AKNAD1: variants seen among roughly 807,000 people sequenced by gnomAD.
AKNAD1 encodes protein AKNAD1.
Under a neutral mutation model 90.8 loss-of-function variants are expected in AKNAD1, and 67 were observed. The observed-to-expected ratio is 0.74, with a 90% confidence interval of 0.61 to 0.90. The LOEUF is 0.90. Ranked by LOEUF, AKNAD1 falls within the 40% of genes least tolerant of loss-of-function variation. The pLI is 0.00. For missense variants in AKNAD1, 957 were observed against 975.4 expected, an observed-to-expected ratio of 0.98 and a Z score of 0.25; for synonymous variants, 327 against 341.4, an observed-to-expected ratio of 0.96 and a Z score of 0.46.
At chr1:108,833,674 C>CA (rs1446298740) in intron 9 of AKNAD1, among the ~76,000 whole-genome samples, 1 of 148,154 alleles carries the variant, frequency 6.7e-6, no homozygotes, top group African/African-American at 2.5e-5. Flanking sequence ...AAGCATGTAT[C>CA]AGTTTTATAA....
chr1:108,850,849 A>G (rs1664834173), intron 2 of AKNAD1, among the ~76,000 whole-genome samples: 1 of 152,138 alleles, frequency 6.6e-6, no homozygotes, highest in Admixed American at 6.5e-5. Flanking sequence ...CTCAAACATC[A>G]ATGAGATCCT....
At position 108,852,055 on chromosome 1, in the gene AKNAD1, C is replaced by T. The variant is rs1351627295; in HGVS notation, c.610G>A (p.Gly204Arg). The T allele has an allele frequency of 6.2e-7, 1 of 1,614,106 alleles. No homozygotes were observed. Among genetic ancestry groups the T allele is most frequent in the South Asian group, 1.1e-5 (1 of 91,082 alleles). The change falls in exon 2 of 16, where the codon GGA (glycine) becomes AGA (arginine). Residue 204 changes from glycine (G) to arginine (R), a missense_variant. Transcript: ENST00000370001. ...TSDLEGPVAAGDSSHQENVNV... is the reference protein window; with the variant it reads ...TSDLEGPVAARDSSHQENVNV... ...ACATTTTCTTGATGGCTGCTATCTCCAGCAGCCACTGGCCCTTCTAAATCA... is the reference window on the plus strand; with the variant it reads ...ACATTTTCTTGATGGCTGCTATCTCTAGCAGCCACTGGCCCTTCTAAATCA...
intron 9 of AKNAD1, among the ~76,000 whole-genome samples, chr1:108,831,521 A>G (rs1664194023): frequency 6.6e-6 from 1 of 152,172 alleles, no homozygotes; most frequent in Non-Finnish European, 1.5e-5. Context: ...ATCACTTGAA[A>G]ATGTTTCTGT....
chr1:108,832,405 A>G (rs1011889995), intron 9 of AKNAD1, among the ~76,000 whole-genome samples: 2 of 151,754 alleles, frequency 1.3e-5, no homozygotes, highest in African/African-American at 4.8e-5. Context: ...GGTATGTCTT[A>G]GTAGAAACAG....
At position 108,827,226 on chromosome 1, in the gene AKNAD1, G is replaced by A. The variant is rs1664026946; in HGVS notation, c.1915C>T (p.Pro639Ser). The A allele has an allele frequency of 6.2e-7, 1 of 1,611,336 alleles. No homozygotes were observed. The highest frequency in any genetic ancestry group is 8.5e-7 in the Non-Finnish European group (1 of 1,179,104). ...TTACTGGGAGTTGAATCTGAGTGTG[G>A]TGCCTTTTCATGAAGGACAATTGAA... The part of the protein sequence containing the change: ...RFSIVLHEKA[P>S]HSDSTPNSDT... Residue 639 changes from proline (P) to serine (S), a missense_variant, in exon 11 of 16, where the codon CCA becomes TCA. Coordinates refer to ENST00000370001, the MANE Select transcript of AKNAD1 (RefSeq NM_152763.5).
In AKNAD1 at chr1:108,852,266, G is replaced by T. The variant is rs1439165652; in HGVS notation, c.399C>A (p.Leu133=). Residue 133 remains leucine (L), a synonymous_variant, in exon 2 of 16, where the codon CTC becomes CTA. Coordinates refer to ENST00000370001, the MANE Select transcript of AKNAD1 (RefSeq NM_152763.5). ...LRGQGIDCET[L]PEISNADSFE... ...AACTGTCGGCATTTGAGATCTCTGG[G>T]AGGGTTTCACAATCAATGCCTTGAC... 6.2e-7 allele frequency: 1 copy of T among 1,614,062 alleles called. No individual in the cohort carries two copies. Among genetic ancestry groups the T allele is most frequent in the Non-Finnish European group, 8.5e-7 (1 of 1,180,006 alleles).
chr1:108,855,648 T>C (rs983922551), intron 1 of AKNAD1, among the ~76,000 whole-genome samples: 2 of 151,042 alleles, frequency 1.3e-5, no homozygotes, highest in African/African-American at 2.4e-5. Flanking sequence ...TAGTTGGGCA[T>C]GGTGGTGCAT....
Position 108,817,118 on chromosome 1 carries a change from A to C in AKNAD1, c.2309T>G (p.Phe770Cys). 5 of 1,614,142 alleles carry C rather than the reference A, an allele frequency of 3.1e-6. No individual in the cohort carries two copies. The highest frequency in any genetic ancestry group is 4.2e-6 in the Non-Finnish European group (5 of 1,180,008). Reference protein sequence around the residue: ...SSDPATPSPHFYSCRISGSKS... With the variant: ...SSDPATPSPHCYSCRISGSKS... The stretch of plus-strand genomic sequence containing the variant: ...GCTTCCAGAAATCCTGCAGGAGTAG[A>C]AATGGGGTGAGGGTGTTGCAGGGTC... The change falls in exon 15 of 16, where the codon TTC becomes TGC. Residue 770 changes from phenylalanine (F) to cysteine (C), a missense_variant. Physicochemically the swap from Phe to Cys is radical, Grantham distance 205. Coordinates refer to ENST00000370001, the MANE Select transcript of AKNAD1 (RefSeq NM_152763.5).
At chr1:108,820,683 G>T in intron 13 of AKNAD1, 57 bp from the exon 14 acceptor site, 1 of 951,036 alleles carries the variant, frequency 1.1e-6, no homozygotes, top group Non-Finnish European at 1.7e-6. Flanking sequence ...CCCAAATGGT[G>T]CCTATGTATC....
At chr1:108,845,586 T>G (rs1664680276) in intron 5 of AKNAD1, among the ~76,000 whole-genome samples, 1 of 152,228 alleles carries the variant, frequency 6.6e-6, no homozygotes, top group Non-Finnish European at 1.5e-5. Context: ...CTAATGCCTT[T>G]GTTAAACTCT....
At chr1:108,836,316 C>A (rs1456417592) in intron 7 of AKNAD1, among the ~76,000 whole-genome samples, 1 of 152,214 alleles carries the variant, frequency 6.6e-6, no homozygotes, top group Non-Finnish European at 1.5e-5. Context: ...TGGGCTGTTA[C>A]ATCCACGGTG....
intron 5 of AKNAD1, among the ~76,000 whole-genome samples, chr1:108,845,047 G>C (rs1664662988): frequency 6.6e-6 from 1 of 152,154 alleles, no homozygotes. Context: ...TCAAACTCCT[G>C]ACCTCAGGTG....
intron 14 of AKNAD1, among the ~76,000 whole-genome samples, chr1:108,817,772 T>A (rs555198299): frequency 6.6e-6 from 1 of 151,792 alleles, no homozygotes; most frequent in East Asian, 2.0e-4. Context: ...CCCAAAGTGC[T>A]GGGATTACAG....
In AKNAD1 at chr1:108,827,267, A is replaced by T. The variant is rs756204106; in HGVS notation, c.1874T>A (p.Ile625Asn). ...GACAATTGAAAATCTTCCACAGTTG[A>T]TCCTTCCGTGGCCCTTTTTCTCCAC... ...QNVEKKGHGRINCGRFSIVLH... is the reference protein window; with the variant it reads ...QNVEKKGHGRNNCGRFSIVLH... The change falls in exon 11 of 16, where the codon ATC (isoleucine) becomes AAC (asparagine). Residue 625 changes from isoleucine (I) to asparagine (N), a missense_variant. Physicochemically the swap from Ile to Asn is moderately radical, Grantham distance 149 (BLOSUM62 -3). Coordinates refer to ENST00000370001, the MANE Select transcript of AKNAD1 (RefSeq NM_152763.5). 3 of 1,611,694 alleles carry T rather than the reference A, an allele frequency of 1.9e-6. No homozygotes were observed. In the East Asian group the frequency reaches 6.8e-5, roughly 37 times the overall value.
chr1:108,855,999 A>C (rs1289341042), intron 1 of AKNAD1, among the ~76,000 whole-genome samples: 2 of 150,828 alleles, frequency 1.3e-5, no homozygotes, highest in African/African-American at 4.9e-5. Context: ...CTACAGGCGC[A>C]CACCACCACA....
chr1:108,820,584 G>T lies in AKNAD1; in HGVS notation c.2210C>A (p.Ser737Ter), dbSNP rs1034213034. ...CTCATGTTCACCTTTAAAGGATTTT[G>T]AATTCACTCTCTGAGAACAGATCCG... ...PKRICSQRVN[S>*]KSFKGEHEPT... Residue 737 changes from serine to a stop codon, truncating the protein, a stop_gained, in exon 14 of 16, where the codon TCA becomes TAA. Coordinates refer to ENST00000370001, the MANE Select transcript of AKNAD1 (RefSeq NM_152763.5). LOFTEE classifies it high-confidence loss of function. 2 of 1,611,204 alleles carry T rather than the reference G, an allele frequency of 1.2e-6. No homozygotes were observed. Among genetic ancestry groups the T allele is most frequent in the Admixed American group, 3.3e-5 (2 of 59,898 alleles).
Position 108,816,080 on chromosome 1 carries a change from T to G in AKNAD1, c.*91A>C, listed in dbSNP as rs896785321. ...TGTTTTCTCTAGAAAGTCATCTTCC[T>G]AAATTGTGTAGTAAGTAAAATACAT... On this transcript the variant is annotated 3_prime_UTR_variant, in exon 16 of 16. Coordinates refer to ENST00000370001, the MANE Select transcript of AKNAD1 (RefSeq NM_152763.5). The G allele has an allele frequency of 7.5e-7, 1 of 1,326,366 alleles. No individual in the cohort carries two copies. The highest frequency in any genetic ancestry group is 1.5e-5 in the African/African-American group (1 of 66,802). The allele number at this position is 1,326,366 out of a possible 1,614,324, so 82.2% of individuals were successfully genotyped here. A position where few individuals can be genotyped will look rare whatever the true frequency, so the allele number is the denominator to read the frequency against.
At chr1:108,851,469 T>C (rs1042416636) in intron 2 of AKNAD1, among the ~76,000 whole-genome samples, 1 of 152,198 alleles carries the variant, frequency 6.6e-6, no homozygotes, top group African/African-American at 2.4e-5. Flanking sequence ...TATTCTCTTA[T>C]ATGTTTTTGT....
rs1156293449 is a variant in AKNAD1 at position 108,837,677 on chromosome 1, T to G, written c.1409A>C (p.Glu470Ala). 3.7e-6 allele frequency: 6 copies of G among 1,614,044 alleles called. No individual in the cohort carries two copies. Among genetic ancestry groups the G allele is most frequent in the Non-Finnish European group, 4.2e-6 (5 of 1,180,014 alleles). The part of the protein sequence containing the change: ...RKVEGEIFKL[E>A]MLLEDVKEKM... ...CTCTTTAACATCTTCAAGCAGCATC[T>G]CCAATTTGAAGATTTCACCTTCCAC... Residue 470 changes from glutamate to alanine, a missense_variant, in exon 7 of 16, where the codon GAG becomes GCG. Glu to Ala is a moderately radical substitution (Grantham distance 107). Transcript: ENST00000370001.
Sources: gnomAD v4.1 joint callset for allele counts (sites outside exome capture counted in the v4.1 genomes callset) on GRCh38, gnomAD v4.1.1 for gene constraint, MANE v1.5 for transcripts, NCBI Gene and HGNC (gene_info 2026-07-23, HGNC 2026-07-21) for gene names.